Variants in EPB41L3 observed in about 807,000 individuals in gnomAD.
EPB41L3 encodes the protein band 4.1-like protein 3.
A neutral mutation model predicts 127.1 loss-of-function variants in EPB41L3; 57 were observed. That is an observed-to-expected ratio of 0.45 (90% confidence interval 0.36 to 0.56). The LOEUF (loss-of-function observed/expected upper bound fraction) is 0.56, where lower values mean the gene tolerates loss of function less well. Among genes scored for constraint, EPB41L3 ranks in the 20% least tolerant of loss-of-function variants. The pLI is 0.00. For synonymous variants in EPB41L3, 572 were observed against 549.5 expected, an observed-to-expected ratio of 1.04 and a Z score of -0.57; for missense variants, 1,273 against 1,372.2, an observed-to-expected ratio of 0.93 and a Z score of 1.14.
chr18:5,618,553 T>C (rs1162878639), intron 1 of EPB41L3, among the ~76,000 whole-genome samples: 3 of 152,186 alleles, frequency 2.0e-5, no homozygotes, highest in African/African-American at 7.2e-5. Context: ...CTTCTAAACA[T>C]TTGGAGGTCA....
chr18:5,460,553 G>A (rs562018677), intron 3 of EPB41L3, among the ~76,000 whole-genome samples: 3 of 152,292 alleles, frequency 2.0e-5, no homozygotes, highest in African/African-American at 7.2e-5. Flanking sequence ...ACATAATGAG[G>A]AGCATAATCT....
chr18:5,616,495 T>C (rs1330095018), intron 1 of EPB41L3, among the ~76,000 whole-genome samples: 2 of 152,158 alleles, frequency 1.3e-5, no homozygotes, highest in Admixed American at 1.3e-4. Context: ...ATACATATTA[T>C]ATAAATAATA....
intron 3 of EPB41L3, among the ~76,000 whole-genome samples, chr18:5,457,853 C>T (rs965170141): frequency 3.3e-5 from 5 of 152,150 alleles, no homozygotes; most frequent in Admixed American, 2.0e-4. Flanking sequence ...CACCCCTGAA[C>T]TGCAGGACTA....
At chr18:5,464,464 G>A (rs780085383) in intron 3 of EPB41L3, among the ~76,000 whole-genome samples, 16 of 152,132 alleles carry the variant, frequency 1.1e-4, no homozygotes, top group Non-Finnish European at 1.9e-4. Context: ...TCCAGGAAAC[G>A]TGCCTCAAAC....
Position 5,602,635 on chromosome 18 carries a change from G to A in EPB41L3, c.-306+9705C>T, listed in dbSNP as rs375269453. On this transcript the variant is annotated intron_variant, in intron 3 of 21. Transcript: ENST00000545076. ...AACTTTTTCTTTCCCCTGTAAAGAC[G>A]AGGTTTCACTTTGTTGCCTAGGCAG... Among the ~76,000 whole-genome samples, 35 of 152,218 alleles carry A rather than the reference G, an allele frequency of 2.3e-4. 1 individual carries two copies. The highest frequency in any genetic ancestry group is 1.7e-3 in the East Asian group (9 of 5,158).
intron 3 of EPB41L3, among the ~76,000 whole-genome samples, chr18:5,453,247 A>C (rs540602843): frequency 2.6e-4 from 39 of 152,200 alleles, no homozygotes; most frequent in Admixed American, 6.5e-4. Context: ...AAATTAGAGA[A>C]ATCTGTCAAG....
intron 3 of EPB41L3, among the ~76,000 whole-genome samples, chr18:5,464,014 TC>T (rs2084507923): frequency 1.3e-5 from 2 of 151,984 alleles, no homozygotes; most frequent in African/African-American, 4.8e-5. Flanking sequence ...CCAGCTCATT[TC>T]CTGCCCATGG....
chr18:5,398,560 G>C (rs1312313638), intron 16 of EPB41L3: 2 of 403,276 alleles, frequency 5.0e-6, no homozygotes, highest in African/African-American at 4.1e-5. Context: ...AGCAGCAAGA[G>C]AAACGGAAAG....
intron 16 of EPB41L3, chr18:5,401,072 G>A (rs1486997451): frequency 6.9e-7 from 1 of 1,448,124 alleles, no homozygotes; most frequent in South Asian, 1.2e-5. Flanking sequence ...TTGGGTTGGA[G>A]AAGAGGAAGT....
rs144656785 is a variant in EPB41L3 at position 5,573,552 on chromosome 18, A to G, written c.-306+38788T>C. The stretch of plus-strand genomic sequence containing the variant: ...AGCTAACATTTACTCATATATGTAG[A>G]TCATCAGTGGGGAAGAGGTTTTATG... On this transcript the variant is annotated intron_variant, in intron 3 of 21. Coordinates refer to the EPB41L3 transcript ENST00000545076. 5.3e-4 allele frequency among the ~76,000 whole-genome samples: 80 copies of G among 152,270 alleles called. 1 individual carries two copies. Among genetic ancestry groups the G allele is most frequent in the African/African-American group, 1.9e-3 (78 of 41,544 alleles).
At chr18:5,404,877 A>T (rs2075099630) in intron 16 of EPB41L3, among the ~76,000 whole-genome samples, 1 of 152,214 alleles carries the variant, frequency 6.6e-6, no homozygotes, top group Admixed American at 6.5e-5. Context: ...GATAAGCCAA[A>T]CTTAACCAAT....
rs1022754098 is a variant in EPB41L3, at chr18:5,615,444, G to A, written c.-467-1021C>T. ...GGTATATGAGATGTTTTGATACATG[G>A]GGGAGGTGGGGATGGCTAATGGGTA... On this transcript the variant is annotated intron_variant, in intron 1 of 21. Transcript: ENST00000545076. 3.2e-4 allele frequency among the ~76,000 whole-genome samples: 48 copies of A among 152,130 alleles called. 1 individual carries two copies. The highest frequency in any genetic ancestry group is 1.1e-3 in the African/African-American group (47 of 41,426).
intron 3 of EPB41L3, among the ~76,000 whole-genome samples, chr18:5,557,894 A>C (rs1293281957): frequency 6.6e-6 from 1 of 152,332 alleles, no homozygotes; most frequent in East Asian, 1.9e-4. Flanking sequence ...CAAAACCCTG[A>C]GTTTTAACTA....
At chr18:5,554,075 C>T (rs1031496314) in intron 3 of EPB41L3, among the ~76,000 whole-genome samples, 1 of 152,226 alleles carries the variant, frequency 6.6e-6, no homozygotes, top group African/African-American at 2.4e-5. Context: ...CTCCCGTCGC[C>T]TCTCAGAGAG....
Position 5,543,116 on chromosome 18 carries a change from GC to G in EPB41L3, c.-12+796del, listed in dbSNP as rs1699678617. 1.3e-5 allele frequency among the ~76,000 whole-genome samples: 2 copies of G among 151,514 alleles called. No homozygotes were observed. Among genetic ancestry groups the G allele is most frequent in the Admixed American group, 6.6e-5 (1 of 15,218 alleles). On this transcript the variant is annotated intron_variant, in intron 1 of 22. Transcript: ENST00000341928. The surrounding 1 kb of genome is among the most constrained non-coding windows in gnomAD (Gnocchi z 5.2). ...CGGCAGGCCGACCCAGGCGCCCCCG[GC>G]CCGCCCGTGCTCCCGCGCCCGGGTG...
intron 1 of EPB41L3, among the ~76,000 whole-genome samples, chr18:5,623,193 T>C (rs879676291): frequency 2.0e-5 from 3 of 152,216 alleles, no homozygotes; most frequent in Non-Finnish European, 4.4e-5. Context: ...CACACACGTG[T>C]GACCAAATGT....
intron 3 of EPB41L3, among the ~76,000 whole-genome samples, chr18:5,472,971 A>C (rs2086437833): frequency 6.6e-6 from 1 of 152,192 alleles, no homozygotes; most frequent in African/African-American, 2.4e-5. Flanking sequence ...GTTGGAGTCA[A>C]GATGACCGTT....
intron 3 of EPB41L3, among the ~76,000 whole-genome samples, chr18:5,591,783 A>T (rs923611600): frequency 6.6e-6 from 1 of 152,238 alleles, no homozygotes; most frequent in Non-Finnish European, 1.5e-5. Context: ...GTAAAAGTAA[A>T]GTGAAATCAA....
chr18:5,538,023 G>C lies in EPB41L3; in HGVS notation c.-12+5890C>G, dbSNP rs565873815. On this transcript the variant is annotated intron_variant, in intron 1 of 22. Transcript: ENST00000341928. ...ATAAGATTCATGACACTGATTATAA[G>C]AGATAACATCATGTTGTATAGCACT... Among the ~76,000 whole-genome samples the C allele has an allele frequency of 3.9e-5, 6 of 152,244 alleles. No individual in the cohort carries two copies. The South Asian group carries it at 6.3e-4, about 16-fold the overall frequency.
Sources: allele counts gnomAD v4.1 joint callset (sites outside exome capture counted in the v4.1 genomes callset), GRCh38; gene constraint gnomAD v4.1.1; non-coding constraint Gnocchi (gnomAD v3.1); transcripts MANE v1.5; gene names NCBI Gene and HGNC (gene_info 2026-07-23, HGNC 2026-07-21).